Variants in NAA30 observed in about 807,000 individuals in gnomAD.
The protein encoded by NAA30 is N-alpha-acetyltransferase 30, NatC catalytic subunit, also known as N-alpha-acetyltransferase 30.
Under a neutral mutation model 31.4 loss-of-function variants are expected in NAA30, and 5 were observed. The observed-to-expected ratio is 0.16, with a 90% CI of 0.08 to 0.33. NAA30 has a LOEUF of 0.33. NAA30 is among the 10% of genes least tolerant of loss of function. The probability of loss-of-function intolerance (pLI) is 1.00; values close to 1 mark genes in which losing one functional copy is unlikely to be tolerated. For synonymous variants in NAA30, 222 were observed against 207.1 expected (o/e 1.07, Z -0.62); for missense variants, 428 against 490.8 (o/e 0.87, Z 1.21).
chr14:57,406,471 A>T (rs752508845), intron 4 of NAA30, among the ~76,000 whole-genome samples: 7 of 151,954 alleles, frequency 4.6e-5, no homozygotes, highest in Non-Finnish European at 8.8e-5. Context: ...TCATAATTGG[A>T]CTCTGTTCTG....
rs776771423 is a variant in NAA30 at position 57,391,077 on chromosome 14, G to T, written c.120G>T (p.Glu40Asp). ...PAGAALACCS[E>D]DEEDDEEHEG... The stretch of plus-strand genomic sequence containing the variant: ...GGGCCGCCCTCGCCTGCTGCAGCGA[G>T]GACGAGGAGGACGACGAAGAGCACG... Residue 40 changes from glutamate to aspartate, a missense_variant, in exon 2 of 5, where the codon GAG (glutamate) becomes GAT (aspartate). This residue lies in a region of NAA30 where 349 missense variants were observed against 310.4 expected (regional missense o/e 1.12). Coordinates refer to ENST00000556492, the MANE Select transcript of NAA30 (RefSeq NM_001011713.3). The surrounding 1 kb of genome is among the most constrained non-coding windows in gnomAD (Gnocchi z 4.1). 2 of 1,541,998 alleles carry T rather than the reference G, an allele frequency of 1.3e-6. 1 individual carries two copies. The highest frequency in any genetic ancestry group is 2.5e-5 in the South Asian group (2 of 79,814).
In NAA30 at chr14:57,413,313, A is replaced by C. The variant is rs1286114410; in HGVS notation, c.*3797A>C. 2 of 152,210 alleles carry C rather than the reference A, an allele frequency of 1.3e-5. No homozygotes were observed. The highest frequency in any genetic ancestry group is 4.8e-5 in the African/African-American group (2 of 41,452). 9.4% of individuals were successfully genotyped at this position (152,210 alleles called of 1,614,324 possible). On this transcript the variant is annotated 3_prime_UTR_variant, in exon 5 of 5. Coordinates refer to ENST00000556492, the MANE Select transcript of NAA30 (RefSeq NM_001011713.3). Reference sequence around the variant, plus strand: ...TAAATTACTTTTATCATGCATGCCAAATCTTTACATTATTCTTTAGAGTAA... The same window carrying C: ...TAAATTACTTTTATCATGCATGCCACATCTTTACATTATTCTTTAGAGTAA...
chr14:57,406,588 G>A (rs2066499086), intron 4 of NAA30, among the ~76,000 whole-genome samples: 1 of 152,126 alleles, frequency 6.6e-6, no homozygotes. Flanking sequence ...CATATAGAAT[G>A]CTTTACATTG....
At chr14:57,403,139 C>T (rs1449807971) in intron 4 of NAA30, among the ~76,000 whole-genome samples, 1 of 151,996 alleles carries the variant, frequency 6.6e-6, no homozygotes, top group East Asian at 1.9e-4. Context: ...CAAGATTGCA[C>T]CGCTGCTTTC....
chr14:57,398,399 T>C (rs559707144), intron 3 of NAA30, among the ~76,000 whole-genome samples: 26 of 152,284 alleles, frequency 1.7e-4, no homozygotes, highest in Middle Eastern at 3.4e-3. Flanking sequence ...CATACTTTGT[T>C]TGGGCCATAA....
chr14:57,393,207 T>C (rs2066437243), intron 2 of NAA30, among the ~76,000 whole-genome samples: 1 of 152,234 alleles, frequency 6.6e-6, no homozygotes, highest in Admixed American at 6.5e-5. Context: ...TAGTCAACTT[T>C]GAGTCCTGAT....
chr14:57,408,492 A>G (rs74386545), intron 4 of NAA30, among the ~76,000 whole-genome samples: 2,966 of 152,338 alleles, frequency 0.019, 82 homozygotes, highest in African/African-American at 0.059. Flanking sequence ...AAGCTTTGCT[A>G]TATAGACCAG....
At position 57,410,678 on chromosome 14, in the gene NAA30, C is replaced by G. The variant is rs1594754511; in HGVS notation, c.*1162C>G. The G allele has an allele frequency of 6.6e-6, 1 of 152,138 alleles. No homozygotes were observed. The highest frequency in any genetic ancestry group is 1.9e-4 in the East Asian group (1 of 5,184). The allele number at this position is 152,138 out of a possible 1,614,324, so 9.4% of individuals were successfully genotyped here. A position where few individuals can be genotyped will look rare whatever the true frequency, so the allele number is the denominator to read the frequency against. ...TTCTTGGGGGAGCTTTGCTTTTCTT[C>G]TGCCAGAAAAACAAAAGGGGGAAAT... On this transcript the variant is annotated 3_prime_UTR_variant, in exon 5 of 5. Coordinates refer to ENST00000556492, the MANE Select transcript of NAA30 (RefSeq NM_001011713.3).
At chr14:57,408,207 C>T (rs1368731707) in intron 4 of NAA30, among the ~76,000 whole-genome samples, 1 of 149,618 alleles carries the variant, frequency 6.7e-6, no homozygotes, top group African/African-American at 2.6e-5. Context: ...TTTGCCATTT[C>T]CCCCCCACCC....
intron 3 of NAA30, among the ~76,000 whole-genome samples, chr14:57,397,601 T>C (rs1013430738): frequency 6.6e-6 from 1 of 152,194 alleles, no homozygotes; most frequent in Non-Finnish European, 1.5e-5. Flanking sequence ...GTTAGATAAC[T>C]TTTGTCATTT....
chr14:57,396,808 A>G lies in NAA30; in HGVS notation c.828A>G (p.Lys276=). The G allele has an allele frequency of 3.1e-6, 5 of 1,614,142 alleles. No individual in the cohort carries two copies. The highest frequency in any genetic ancestry group is 4.2e-6 in the Non-Finnish European group (5 of 1,179,982). ...TCGTTTGCAAGTTGGATATGCACAA[A>G]AAGATGTTCCGCAGAGGTTATATAG... ...GAIVCKLDMH[K]KMFRRGYIAM... The change falls in exon 3 of 5, where the codon AAA becomes AAG. Residue 276 remains lysine (K), a synonymous_variant. Transcript: ENST00000556492.
chr14:57,405,409 TAA>T (rs1236897586), intron 4 of NAA30, among the ~76,000 whole-genome samples: 49 of 90,204 alleles, frequency 5.4e-4, no homozygotes, highest in Admixed American at 1.9e-3. Context: ...TATTTACTAA[TAA>T]TATATATGTG....
rs192186824 is a variant in NAA30, at chr14:57,401,509, A to G, written c.951+1626A>G. On this transcript the variant is annotated intron_variant, in intron 4 of 4. Transcript: ENST00000556492. ...AATTGGATCAGATATGTTCATGAGT[A>G]TAGGTCCATGTTTGGACCATAGCCA... 3.3e-5 allele frequency among the ~76,000 whole-genome samples: 5 copies of G among 152,348 alleles called. No homozygotes were observed. The East Asian group carries it at 7.7e-4, about 23-fold the overall frequency.
intron 2 of NAA30, among the ~76,000 whole-genome samples, chr14:57,395,338 T>A (rs1466423907): frequency 1.3e-5 from 2 of 152,166 alleles, no homozygotes; most frequent in Non-Finnish European, 2.9e-5. Flanking sequence ...TTAATCAATT[T>A]ACAGAATGAC....
At chr14:57,399,723 A>G (rs922737868) in intron 3 of NAA30, 105 bp from the exon 4 acceptor site, 5 of 735,764 alleles carry the variant, frequency 6.8e-6, no homozygotes, top group African/African-American at 3.6e-5. Context: ...TCTGGATTCA[A>G]GATAGAAACT....
rs1168460142 is a variant in NAA30, at chr14:57,415,276, A to AT, written c.*5761dup. 1.3e-5 allele frequency: 2 copies of AT among 152,200 alleles called. No homozygotes were observed. The highest frequency in any genetic ancestry group is 2.9e-5 in the Non-Finnish European group (2 of 68,026). 9.4% of individuals were successfully genotyped at this position (152,200 alleles called of 1,614,324 possible). ...GTCTCCTTGACCGAGGGATTTTAGT[A>AT]TAAGTATTTAGTGAGATTTGTATTC... is the stretch of plus-strand genomic sequence containing the variant. On this transcript the variant is annotated 3_prime_UTR_variant, in exon 5 of 5. Transcript: ENST00000556492.
intron 4 of NAA30, among the ~76,000 whole-genome samples, chr14:57,406,927 C>G (rs2066500544): frequency 6.6e-6 from 1 of 152,150 alleles, no homozygotes; most frequent in African/African-American, 2.4e-5. Flanking sequence ...GAGTCTCGCT[C>G]TGTCACCCAG....
Position 57,391,790 on chromosome 14 carries a change from A to T in NAA30, c.771+62A>T. 2 of 1,370,852 alleles carry T rather than the reference A, an allele frequency of 1.5e-6. No individual in the cohort carries two copies. The highest frequency in any genetic ancestry group is 2.0e-6 in the Non-Finnish European group (2 of 998,794). 84.9% of individuals were successfully genotyped at this position (1,370,852 alleles called of 1,614,324 possible). ...GTGATCGAGACTGTGCGGGGCAGGG[A>T]GTGAGGGCCCAGAATGTGGCAGTGG... On this transcript the variant is annotated intron_variant, in intron 2 of 4. Coordinates refer to ENST00000556492, the MANE Select transcript of NAA30 (RefSeq NM_001011713.3). The surrounding 1 kb of genome is among the most constrained non-coding windows in gnomAD (Gnocchi z 4.1).
rs570394245 is a variant in NAA30, at chr14:57,390,663, G to C, written c.-44G>C. 1.8e-4 allele frequency: 68 copies of C among 374,688 alleles called. No homozygotes were observed. In the South Asian group the frequency reaches 3.3e-3, roughly 18 times the overall value. 23.2% of individuals were successfully genotyped at this position (374,688 alleles called of 1,614,324 possible). A position where few individuals can be genotyped will look rare whatever the true frequency, so the allele number is the denominator to read the frequency against. ...TGCGAAGGAGGCGGCGGCGGTGGCG[G>C]AGGAAGAGGAGTGGCGGCAGCGGCG... On this transcript the variant is annotated 5_prime_UTR_variant, in exon 1 of 5. Transcript: ENST00000556492.
Sources: allele counts gnomAD v4.1 joint callset (sites outside exome capture counted in the v4.1 genomes callset), GRCh38; gene constraint gnomAD v4.1.1; regional missense constraint gnomAD v4.1.1; non-coding constraint Gnocchi (gnomAD v3.1); transcripts MANE v1.5; gene names NCBI Gene and HGNC (gene_info 2026-07-23, HGNC 2026-07-21).